Variants in YEATS2 observed in about 807,000 individuals in gnomAD.
YEATS2 encodes the protein YEATS domain containing 2, also known as YEATS domain-containing protein 2.
In YEATS2, 77 loss-of-function variants were observed where a neutral mutation model predicts 163.2. That is an observed-to-expected ratio of 0.47 (90% CI 0.39 to 0.57). YEATS2 has a LOEUF of 0.57. YEATS2 is among the 20% of genes least tolerant of loss of function. YEATS2 has a pLI of 0.00. For missense variants in YEATS2, 1,549 were observed against 1,729.8 expected (o/e 0.90, Z 1.85); for synonymous variants, 631 against 645.1 (o/e 0.98, Z 0.33).
chr3:183,759,811 C>T (rs1721157985), intron 13 of YEATS2, among the ~76,000 whole-genome samples: 1 of 152,192 alleles, frequency 6.6e-6, no homozygotes, highest in South Asian at 2.1e-4. Context: ...GCACTTTTGG[C>T]CTATGATGTT....
chr3:183,806,666 A>G, intron 27 of YEATS2, 200 bp from the exon 28 acceptor site: 1 of 594,836 alleles, frequency 1.7e-6, no homozygotes, highest in Non-Finnish European at 3.0e-6. Context: ...TAGATCACAC[A>G]CAAGATGCCT....
chr3:183,811,652 C>T lies in YEATS2; in HGVS notation c.*1069C>T, dbSNP rs1251993231. On this transcript the variant is annotated 3_prime_UTR_variant, in exon 31 of 31. Transcript: ENST00000305135. ...TAGTCTGTGTCCACAAGCAGAGGCC[C>T]CCTCGATGGGAGGGAGTGGCAGGCA... 6.6e-6 allele frequency: 1 copy of T among 152,560 alleles called. No homozygotes were observed. Among genetic ancestry groups the T allele is most frequent in the African/African-American group, 2.4e-5 (1 of 41,426 alleles). 9.5% of individuals were successfully genotyped at this position (152,560 alleles called of 1,614,324 possible). A position where few individuals can be genotyped will look rare whatever the true frequency, so the allele number is the denominator to read the frequency against.
Position 183,753,982 on chromosome 3 carries a change from GGATGATT to G in YEATS2, c.1151-140_1151-134del, listed in dbSNP as rs1190773069. The G allele has an allele frequency of 2.9e-6, 3 of 1,045,298 alleles. No homozygotes were observed. The African/African-American group carries it at 4.8e-5, about 17-fold the overall frequency. The allele number at this position is 1,045,298 out of a possible 1,614,324, so 64.8% of individuals were successfully genotyped here. A position where few individuals can be genotyped will look rare whatever the true frequency, so the allele number is the denominator to read the frequency against. Reference sequence around the variant, plus strand: ...TATATTTTTCACCAAAAATATGAAGGGATGATTGATTGTATTTATTTTGCTACCAGTA... The same window carrying G: ...TATATTTTTCACCAAAAATATGAAGGGATTGTATTTATTTTGCTACCAGTA... On this transcript the variant is annotated intron_variant, in intron 10 of 30. Coordinates refer to ENST00000305135, the MANE Select transcript of YEATS2 (RefSeq NM_018023.5).
chr3:183,717,863 T>A, intron 3 of YEATS2, 115 bp downstream of exon 3: 1 of 438,090 alleles, frequency 2.3e-6, no homozygotes, highest in Non-Finnish European at 3.7e-6. Context: ...CTCTTTGCTT[T>A]TTTTTTTTTT....
chr3:183,717,667 G>A lies in YEATS2; in HGVS notation c.117G>A (p.Val39=), dbSNP rs1199131998. 4 of 1,567,136 alleles carry A rather than the reference G, an allele frequency of 2.6e-6. No homozygotes were observed. Among genetic ancestry groups the A allele is most frequent in the Middle Eastern group, 1.7e-4 (1 of 5,972 alleles). The change falls in exon 3 of 31, where the codon GTG becomes GTA. Residue 39 remains valine, a synonymous_variant. Coordinates refer to ENST00000305135, the MANE Select transcript of YEATS2 (RefSeq NM_018023.5). ...AIENSARDAA[V]QKIETIIKEQ... ...TTTGTACAGCTCGAGATGCTGCTGTGCAGAAGATTGAGACTATTATCAAAG... is the reference window on the plus strand; with the variant it reads ...TTTGTACAGCTCGAGATGCTGCTGTACAGAAGATTGAGACTATTATCAAAG...
chr3:183,810,718 G>GGT lies in YEATS2; in HGVS notation c.*135_*136insGT. 2 of 714,988 alleles carry GGT rather than the reference G, an allele frequency of 2.8e-6. No homozygotes were observed. Among genetic ancestry groups the GGT allele is most frequent in the South Asian group, 3.5e-5 (2 of 57,694 alleles). 44.3% of individuals were successfully genotyped at this position (714,988 alleles called of 1,614,324 possible). On this transcript the variant is annotated 3_prime_UTR_variant, in exon 31 of 31. Transcript: ENST00000305135. The stretch of plus-strand genomic sequence containing the variant: ...GGCTACCCAACCTTTGCCGCTGCCT[G>GGT]TTCCCACGTGTCACCAGCACGCTGC...
chr3:183,736,419 A>G (rs1325333352), intron 7 of YEATS2, among the ~76,000 whole-genome samples: 2 of 152,214 alleles, frequency 1.3e-5, no homozygotes, highest in African/African-American at 4.8e-5. Context: ...CTCTAGTGAC[A>G]TTCATCAGAT....
At chr3:183,771,718 ATTTTTTTTTT>A (rs10592078) in intron 15 of YEATS2, among the ~76,000 whole-genome samples, 5 of 100,222 alleles carry the variant, frequency 5.0e-5, no homozygotes, top group Admixed American at 1.1e-4. Context: ...GTACTGGCTA[ATTTTTTTTTT>A]TTTTTTTTTT....
intron 21 of YEATS2, among the ~76,000 whole-genome samples, chr3:183,793,860 G>A (rs1302773124): frequency 2.0e-5 from 3 of 152,014 alleles, no homozygotes; most frequent in African/African-American, 4.8e-5. Flanking sequence ...TGATCCGCCC[G>A]CCTCGGACTC....
At chr3:183,808,501 C>T (rs937907709) in intron 29 of YEATS2, among the ~76,000 whole-genome samples, 1 of 152,186 alleles carries the variant, frequency 6.6e-6, no homozygotes, top group African/African-American at 2.4e-5. Flanking sequence ...CTCAGCAGTT[C>T]CTTTCCTCGT....
Position 183,810,019 on chromosome 3 carries a change from CTCTGTGCTCCCTGT to C in YEATS2, c.4161-455_4161-442del, listed in dbSNP as rs1372039930. On this transcript the variant is annotated intron_variant, in intron 30 of 30. Transcript: ENST00000305135. ...AGGGCCTCCTGTGGCCCCTGCTTAC[CTCTGTGCTCCCTGT>C]CCTGGAGGGGTAGAGTGACTTAGGT... is the stretch of plus-strand genomic sequence containing the variant. The C allele has an allele frequency of 2.1e-4, 35 of 163,344 alleles. 1 individual carries two copies. The highest frequency in any genetic ancestry group is 4.0e-4 in the Non-Finnish European group (30 of 75,322). 10.1% of individuals were successfully genotyped at this position (163,344 alleles called of 1,614,324 possible).
At chr3:183,699,293 G>A (rs1015331869) in intron 1 of YEATS2, among the ~76,000 whole-genome samples, 2 of 151,830 alleles carry the variant, frequency 1.3e-5, no homozygotes, top group African/African-American at 4.8e-5. Flanking sequence ...ATTTGAGGTG[G>A]GAAAAACGAA....
intron 23 of YEATS2, among the ~76,000 whole-genome samples, chr3:183,799,597 C>T (rs1725468643): frequency 6.6e-6 from 1 of 152,042 alleles, no homozygotes; most frequent in Non-Finnish European, 1.5e-5. Flanking sequence ...ACATGCCTGC[C>T]CACAAGAGTA....
At chr3:183,804,710 G>A (rs928634777) in intron 27 of YEATS2, among the ~76,000 whole-genome samples, 4 of 152,132 alleles carry the variant, frequency 2.6e-5, no homozygotes, top group African/African-American at 9.7e-5. Context: ...CCACTGGGCC[G>A]GGCGCCGTGG....
chr3:183,742,078 C>T (rs993362221), intron 8 of YEATS2, among the ~76,000 whole-genome samples: 4 of 150,740 alleles, frequency 2.7e-5, no homozygotes, highest in African/African-American at 4.9e-5. Context: ...GACATGGTGG[C>T]GCTTGCCTGT....
In YEATS2 at chr3:183,808,442, T is replaced by G. The variant is rs184707258; in HGVS notation, c.4086+338T>G. Among the ~76,000 whole-genome samples, 565 of 152,284 alleles carry G rather than the reference T, an allele frequency of 3.7e-3. 4 individuals carry two copies. Among genetic ancestry groups the G allele is most frequent in the African/African-American group, 0.013 (546 of 41,562 alleles). On this transcript the variant is annotated intron_variant, in intron 29 of 30. Transcript: ENST00000305135. ...CAAACAGCCCCAACTGTCCTGACCCTGGCAAGGGGACGAAAATGCCGCAGC... is the reference window on the plus strand; with the variant it reads ...CAAACAGCCCCAACTGTCCTGACCCGGGCAAGGGGACGAAAATGCCGCAGC...
chr3:183,727,194 A>G (rs1027144319), intron 6 of YEATS2, among the ~76,000 whole-genome samples: 22 of 152,332 alleles, frequency 1.4e-4, no homozygotes, highest in African/African-American at 3.6e-4. Context: ...TAAACATAAC[A>G]TACACAAACC....
At chr3:183,712,203 T>TGC (rs1369887672) in intron 1 of YEATS2, among the ~76,000 whole-genome samples, 1 of 145,958 alleles carries the variant, frequency 6.9e-6, no homozygotes, top group Admixed American at 6.9e-5. Flanking sequence ...TTTTATTTTA[T>TGC]TTTATTTTAT....
chr3:183,754,552 C>T lies in YEATS2; in HGVS notation c.1390+187C>T, dbSNP rs376999673. The stretch of plus-strand genomic sequence containing the variant: ...AAGGCAAAAACAAAGCTCATTCATA[C>T]GGAAATGAATGGAGGAGATAAATGA... On this transcript the variant is annotated intron_variant, in intron 11 of 30. Transcript: ENST00000305135. Among the ~76,000 whole-genome samples, 7 of 152,230 alleles carry T rather than the reference C, an allele frequency of 4.6e-5. No individual in the cohort carries two copies. The East Asian group carries it at 1.2e-3, about 25-fold the overall frequency.
Sources: gnomAD v4.1 joint callset for allele counts (sites outside exome capture counted in the v4.1 genomes callset) on GRCh38, gnomAD v4.1.1 for gene constraint, MANE v1.5 for transcripts, NCBI Gene and HGNC (gene_info 2026-07-23, HGNC 2026-07-21) for gene names.